The following CPE variants were observed in gnomAD, a reference collection of about 807,000 sequenced individuals.
The protein encoded by CPE is carboxypeptidase E, also known as carbocypeptidase E.
In CPE, 17 loss-of-function variants were observed where a neutral mutation model predicts 53.5. That is an observed-to-expected ratio of 0.32 (90% CI 0.22 to 0.48). The LOEUF (loss-of-function observed/expected upper bound fraction) is 0.48, where lower values mean the gene tolerates loss of function less well. Ranked by LOEUF, CPE falls within the 20% of genes least tolerant of loss-of-function variation. The pLI is 0.99. For synonymous variants in CPE, 226 were observed against 228.8 expected, an observed-to-expected ratio of 0.99 and a Z score of 0.11; for missense variants, 524 against 614.7, an observed-to-expected ratio of 0.85 and a Z score of 1.56.
chr4:165,457,247 A>G (rs1030876094), intron 1 of CPE, among the ~76,000 whole-genome samples: 1 of 152,172 alleles, frequency 6.6e-6, no homozygotes, highest in South Asian at 2.1e-4. Flanking sequence ...GTGACCACAC[A>G]TTAGTAGCTT....
chr4:165,437,915 T>A (rs998205352), intron 1 of CPE, among the ~76,000 whole-genome samples: 4 of 152,140 alleles, frequency 2.6e-5, no homozygotes, highest in Admixed American at 2.6e-4. Flanking sequence ...GAGCTGCTGA[T>A]AATTTAACAT....
chr4:165,476,505 C>T lies in CPE; in HGVS notation c.673-5737C>T, dbSNP rs532154558. 3.3e-5 allele frequency among the ~76,000 whole-genome samples: 5 copies of T among 151,572 alleles called. No homozygotes were observed. The South Asian group carries it at 6.3e-4, about 19-fold the overall frequency. Reference sequence around the variant, plus strand: ...AACTCTGCCATTTTGCCTCTCGGTGCGCATGTATGAACCCATTTGCCCAGC... The same window carrying T: ...AACTCTGCCATTTTGCCTCTCGGTGTGCATGTATGAACCCATTTGCCCAGC... On this transcript the variant is annotated intron_variant, in intron 3 of 8. Transcript: ENST00000402744.
intron 1 of CPE, among the ~76,000 whole-genome samples, chr4:165,383,836 A>G (rs1306505461): frequency 1.3e-5 from 2 of 152,264 alleles, no homozygotes; most frequent in African/African-American, 4.8e-5. Context: ...TCGTGAAGAT[A>G]GATGTTAGAT....
At chr4:165,461,658 A>C (rs1732009229) in intron 1 of CPE, among the ~76,000 whole-genome samples, 1 of 152,196 alleles carries the variant, frequency 6.6e-6, no homozygotes, top group Admixed American at 6.5e-5. Context: ...AACATTGTCC[A>C]TTGCATGTCT....
At chr4:165,416,697 C>A (rs979212168) in intron 1 of CPE, among the ~76,000 whole-genome samples, 17 of 151,872 alleles carry the variant, frequency 1.1e-4, no homozygotes, top group Non-Finnish European at 2.4e-4. Context: ...CTTCTTGATT[C>A]CCCCGGCCTG....
intron 7 of CPE, among the ~76,000 whole-genome samples, chr4:165,493,706 G>A (rs1346306224): frequency 6.6e-6 from 1 of 152,200 alleles, no homozygotes; most frequent in East Asian, 1.9e-4. Flanking sequence ...TGCGGGTTGT[G>A]TGTCTAAAAA....
chr4:165,482,551 G>C (rs1732433473), intron 4 of CPE, among the ~76,000 whole-genome samples, 192 bp downstream of exon 4: 1 of 152,116 alleles, frequency 6.6e-6, no homozygotes, highest in African/African-American at 2.4e-5. Flanking sequence ...GGCAGAAAAG[G>C]ACTCACTTTT....
chr4:165,410,548 A>T (rs543122358), intron 1 of CPE, among the ~76,000 whole-genome samples: 2 of 152,310 alleles, frequency 1.3e-5, no homozygotes, highest in African/African-American at 4.8e-5. Context: ...GAAATTTAGT[A>T]ATACTTGATT....
At chr4:165,423,693 G>A (rs939679341) in intron 1 of CPE, among the ~76,000 whole-genome samples, 2 of 151,412 alleles carry the variant, frequency 1.3e-5, no homozygotes, top group Non-Finnish European at 2.9e-5. Context: ...TGCACAATGT[G>A]CAGGTTAGTT....
chr4:165,497,719 T>A lies in CPE; in HGVS notation c.*109T>A. 2 of 458,914 alleles carry A rather than the reference T, an allele frequency of 4.4e-6. No homozygotes were observed. Among genetic ancestry groups the A allele is most frequent in the Non-Finnish European group, 7.2e-6 (2 of 279,130 alleles). 28.4% of individuals were successfully genotyped at this position (458,914 alleles called of 1,614,324 possible). On this transcript the variant is annotated 3_prime_UTR_variant, in exon 9 of 9. Coordinates refer to ENST00000402744, the MANE Select transcript of CPE (RefSeq NM_001873.4). Reference sequence around the variant, plus strand: ...TAATACTTAACATTGATTTATTTTTTAATCATTTAAATATTAATCAACTTT... The same window carrying A: ...TAATACTTAACATTGATTTATTTTTAAATCATTTAAATATTAATCAACTTT...
intron 3 of CPE, among the ~76,000 whole-genome samples, chr4:165,479,025 C>T (rs1302346065): frequency 1.3e-5 from 2 of 152,082 alleles, no homozygotes; most frequent in African/African-American, 4.8e-5. Flanking sequence ...TTGTCAATAT[C>T]TGCCATTGGG....
At chr4:165,408,263 C>T (rs1424940624) in intron 1 of CPE, among the ~76,000 whole-genome samples, 1 of 152,156 alleles carries the variant, frequency 6.6e-6, no homozygotes, top group African/African-American at 2.4e-5. Context: ...TTTACACCTA[C>T]GTTTTCTTCT....
chr4:165,487,076 A>C (rs1009348182), intron 5 of CPE, among the ~76,000 whole-genome samples: 15 of 152,176 alleles, frequency 9.9e-5, no homozygotes, highest in Non-Finnish European at 4.4e-5. Flanking sequence ...CTCCAGTAGA[A>C]AGGTAGACTT....
At chr4:165,401,030 T>G (rs2126661196) in intron 1 of CPE, among the ~76,000 whole-genome samples, 1 of 151,640 alleles carries the variant, frequency 6.6e-6, no homozygotes. Context: ...TTTTCAATCT[T>G]TATCTTACTT....
chr4:165,495,343 A>G (rs1267149294), intron 7 of CPE, among the ~76,000 whole-genome samples: 3 of 152,224 alleles, frequency 2.0e-5, no homozygotes, highest in African/African-American at 7.2e-5. Context: ...TAACATTGAT[A>G]TCTATAAAGT....
intron 1 of CPE, among the ~76,000 whole-genome samples, chr4:165,447,571 TAAAAA>T (rs35694424): frequency 6.9e-5 from 10 of 145,760 alleles, no homozygotes; most frequent in Non-Finnish European, 1.4e-4. Context: ...ACTCTGTCTT[TAAAAA>T]AAAAAAAAGA....
chr4:165,381,343 G>A (rs1163693296), intron 1 of CPE: 1 of 456,096 alleles, frequency 2.2e-6, no homozygotes, highest in Non-Finnish European at 4.4e-6. Flanking sequence ...GGCACACAGC[G>A]GGCTTGAATA....
At chr4:165,404,313 C>T (rs537359259) in intron 1 of CPE, 2 of 771,738 alleles carry the variant, frequency 2.6e-6, no homozygotes, top group South Asian at 2.7e-5. Flanking sequence ...GCCTCATTCA[C>T]AAATCTTGTC....
chr4:165,460,522 G>C (rs982365959), intron 1 of CPE, among the ~76,000 whole-genome samples: 11 of 152,112 alleles, frequency 7.2e-5, no homozygotes, highest in African/African-American at 2.7e-4. Flanking sequence ...GTTGGCTAGA[G>C]CAATGAGCCA....
Sources: gnomAD v4.1 joint callset for allele counts (sites outside exome capture counted in the v4.1 genomes callset) on GRCh38, gnomAD v4.1.1 for gene constraint, MANE v1.5 for transcripts, NCBI Gene and HGNC (gene_info 2026-07-23, HGNC 2026-07-21) for gene names.